The following DCUN1D2 variants were observed in gnomAD, a reference collection of about 807,000 sequenced individuals.
The protein encoded by DCUN1D2 is DCN1-like protein 2.
A neutral mutation model predicts 30.9 loss-of-function variants in DCUN1D2; 29 were observed. The observed-to-expected ratio is 0.94, with a 90% CI of 0.70 to 1.28. The LOEUF is 1.28. Among genes scored for constraint, DCUN1D2 ranks in the 50% most tolerant of loss-of-function variants. The pLI is 0.00. For synonymous variants in DCUN1D2, 121 were observed against 115.3 expected (o/e 1.05, Z -0.32); for missense variants, 325 against 316.9 (o/e 1.03, Z -0.19).
intron 4 of DCUN1D2, among the ~76,000 whole-genome samples, chr13:113,466,643 C>T (rs544960143): frequency 6.6e-6 from 1 of 152,222 alleles, no homozygotes; most frequent in African/African-American, 2.4e-5. Flanking sequence ...AGAGCTCAGT[C>T]TCCATGGCTG....
intron 1 of DCUN1D2, among the ~76,000 whole-genome samples, chr13:113,486,705 C>A (rs1191795867): frequency 6.6e-6 from 1 of 152,202 alleles, no homozygotes; most frequent in Non-Finnish European, 1.5e-5. Flanking sequence ...CACGTGCAGG[C>A]AGCTTTGCAT....
rs1211544156 is a variant in DCUN1D2 at position 113,483,983 on chromosome 13, G to A, written c.77C>T (p.Ala26Val). 1.2e-6 allele frequency: 2 copies of A among 1,614,214 alleles called. No homozygotes were observed. The highest frequency in any genetic ancestry group is 2.2e-5 in the South Asian group (2 of 91,090). The change falls in exon 2 of 7, where the codon GCT becomes GTT. Residue 26 changes from alanine (A) to valine (V), a missense_variant. Ala to Val is a moderately conservative substitution (Grantham distance 64, BLOSUM62 0). Transcript: ENST00000478244. ...CTCATTCTGCGTTAAGCAGTAGATA[G>A]CAGTTCTCTCGCCAGCCTGAGTGCA... ...MACTQAGERT[A>V]IYCLTQNEWR...
chr13:113,460,746 G>A (rs2044305049), intron 5 of DCUN1D2, among the ~76,000 whole-genome samples: 1 of 152,252 alleles, frequency 6.6e-6, no homozygotes, highest in South Asian at 2.1e-4. Flanking sequence ...TAGGTCCTCA[G>A]AGGAGACAAC....
In DCUN1D2 at chr13:113,457,369, G is replaced by C. The variant is rs1398275824; in HGVS notation, c.*660C>G. On this transcript the variant is annotated 3_prime_UTR_variant, in exon 7 of 7. Coordinates refer to ENST00000478244, the MANE Select transcript of DCUN1D2 (RefSeq NM_001014283.2). ...GTGTGAGATAAACTCTGCTGGAATC[G>C]TGCCACGTGTGCCGTTGCTATGCAA... is the stretch of plus-strand genomic sequence containing the variant. 6.6e-6 allele frequency: 1 copy of C among 152,188 alleles called. No homozygotes were observed. Among genetic ancestry groups the C allele is most frequent in the Admixed American group, 6.5e-5 (1 of 15,278 alleles). 9.4% of individuals were successfully genotyped at this position (152,188 alleles called of 1,614,324 possible). A position where few individuals can be genotyped will look rare whatever the true frequency, so the allele number is the denominator to read the frequency against.
At chr13:113,481,126 C>T (rs953295037) in intron 2 of DCUN1D2, among the ~76,000 whole-genome samples, 1 of 152,104 alleles carries the variant, frequency 6.6e-6, no homozygotes, top group Non-Finnish European at 1.5e-5. Context: ...AAAGTATTTA[C>T]AATATCTTGA....
In DCUN1D2 at chr13:113,458,220, G is replaced by T. The variant is rs2044257732; in HGVS notation, c.701-112C>A. On this transcript the variant is annotated intron_variant, in intron 6 of 6. Transcript: ENST00000478244. ...ACTTCAAGAACCCAAATGACTTGAG[G>T]TCCACACCATTTGTGTTTCACAGAA... 5.6e-6 allele frequency: 5 copies of T among 897,046 alleles called. No homozygotes were observed. The East Asian group carries it at 9.7e-5, about 17-fold the overall frequency. The allele number at this position is 897,046 out of a possible 1,614,324, so 55.6% of individuals were successfully genotyped here.
At chr13:113,472,582 C>T (rs1023164103) in intron 4 of DCUN1D2, among the ~76,000 whole-genome samples, 3 of 152,188 alleles carry the variant, frequency 2.0e-5, no homozygotes, top group Non-Finnish European at 4.4e-5. Flanking sequence ...AACGCACTCG[C>T]CCCCGAGGTC....
intron 3 of DCUN1D2, among the ~76,000 whole-genome samples, chr13:113,475,221 A>G (rs1175811048): frequency 6.6e-6 from 1 of 152,240 alleles, no homozygotes; most frequent in Non-Finnish European, 1.5e-5. Flanking sequence ...CGTATGTCAC[A>G]GTGGTCCCAT....
At chr13:113,465,537 G>T in intron 4 of DCUN1D2, among the ~76,000 whole-genome samples, 1 of 148,472 alleles carries the variant, frequency 6.7e-6, no homozygotes, top group Admixed American at 6.7e-5. Context: ...ATGAGATGAA[G>T]AACAGCCACA....
intron 4 of DCUN1D2, among the ~76,000 whole-genome samples, chr13:113,469,173 C>CACAG (rs902818526): frequency 6.6e-6 from 1 of 150,890 alleles, no homozygotes; most frequent in Admixed American, 6.6e-5. Flanking sequence ...CACACACACA[C>CACAG]AGCCAAGAGG....
chr13:113,457,833 C>T lies in DCUN1D2; in HGVS notation c.*196G>A. On this transcript the variant is annotated 3_prime_UTR_variant, in exon 7 of 7. Coordinates refer to ENST00000478244, the MANE Select transcript of DCUN1D2 (RefSeq NM_001014283.2). ...CAAATCTCCAAACATCCCAAAGCAG[C>T]CGTGTCCCGAGGAACTTCCTGCGGT... The T allele has an allele frequency of 1.7e-6, 1 of 601,912 alleles. No homozygotes were observed. The highest frequency in any genetic ancestry group is 3.0e-6 in the Non-Finnish European group (1 of 333,526). 37.3% of individuals were successfully genotyped at this position (601,912 alleles called of 1,614,324 possible). A position where few individuals can be genotyped will look rare whatever the true frequency, so the allele number is the denominator to read the frequency against.
In DCUN1D2 at chr13:113,490,539, A is replaced by T; in HGVS notation, c.3+128T>A. On this transcript the variant is annotated intron_variant, in intron 1 of 6. Coordinates refer to ENST00000478244, the MANE Select transcript of DCUN1D2 (RefSeq NM_001014283.2). The surrounding 1 kb of genome is among the most constrained non-coding windows in gnomAD (Gnocchi z 5.2). Reference sequence around the variant, plus strand: ...GGCCCGCGGCGCGTTCCTCCCTCGGATCCACGCGGAACGCCCCGCGCAGCT... The same window carrying T: ...GGCCCGCGGCGCGTTCCTCCCTCGGTTCCACGCGGAACGCCCCGCGCAGCT... 1.0e-6 allele frequency: 1 copy of T among 981,394 alleles called. No homozygotes were observed. The highest frequency in any genetic ancestry group is 1.3e-6 in the Non-Finnish European group (1 of 758,840). 60.8% of individuals were successfully genotyped at this position (981,394 alleles called of 1,614,324 possible). A position where few individuals can be genotyped will look rare whatever the true frequency, so the allele number is the denominator to read the frequency against.
intron 1 of DCUN1D2, chr13:113,489,101 G>A (rs997824360): frequency 1.0e-5 from 10 of 985,134 alleles, no homozygotes; most frequent in East Asian, 1.1e-4. Context: ...CGGGGCTGGC[G>A]GGCCAATCAT....
At chr13:113,489,256 G>T in intron 1 of DCUN1D2, 1 of 589,430 alleles carries the variant, frequency 1.7e-6, no homozygotes, top group Non-Finnish European at 2.1e-6. Context: ...CCAGCATCCT[G>T]AACATGTTCA....
In DCUN1D2 at chr13:113,455,906, A is replaced by C; in HGVS notation, c.*2123T>G. On this transcript the variant is annotated 3_prime_UTR_variant, in exon 7 of 7. Transcript: ENST00000478244. The stretch of plus-strand genomic sequence containing the variant: ...GATACAACAGAAGAAAAAAACCCAC[A>C]ATTTTTGGAAAAGCCTTTGTCCAAT... 3.9e-6 allele frequency: 1 copy of C among 258,876 alleles called. No individual in the cohort carries two copies. The highest frequency in any genetic ancestry group is 7.2e-6 in the Non-Finnish European group (1 of 139,268). The allele number at this position is 258,876 out of a possible 1,614,324, so 16.0% of individuals were successfully genotyped here. A position where few individuals can be genotyped will look rare whatever the true frequency, so the allele number is the denominator to read the frequency against.
Position 113,458,212 on chromosome 13 carries a change from G to T in DCUN1D2, c.701-104C>A, listed in dbSNP as rs41286642. 1,893 of 953,396 alleles carry T rather than the reference G, an allele frequency of 2.0e-3. 5 individuals carry two copies. The highest frequency in any genetic ancestry group is 2.4e-3 in the Non-Finnish European group (1,426 of 590,434). 59.1% of individuals were successfully genotyped at this position (953,396 alleles called of 1,614,324 possible). A position where few individuals can be genotyped will look rare whatever the true frequency, so the allele number is the denominator to read the frequency against. On this transcript the variant is annotated intron_variant, in intron 6 of 6. Transcript: ENST00000478244. ...ACATTTACACTTCAAGAACCCAAAT[G>T]ACTTGAGGTCCACACCATTTGTGTT... is the stretch of plus-strand genomic sequence containing the variant.
chr13:113,482,637 C>A (rs1018163740), intron 2 of DCUN1D2, among the ~76,000 whole-genome samples: 1 of 151,992 alleles, frequency 6.6e-6, no homozygotes, highest in African/African-American at 2.4e-5. Flanking sequence ...AAGTAAAAAA[C>A]GAAAGTAATA....
chr13:113,481,301 C>T (rs1036104024), intron 2 of DCUN1D2, among the ~76,000 whole-genome samples: 2 of 152,078 alleles, frequency 1.3e-5, no homozygotes, highest in African/African-American at 2.4e-5. Context: ...CCCCCTATTT[C>T]TAGTTTAGAA....
chr13:113,457,956 A>ACC lies in DCUN1D2; in HGVS notation c.*71_*72dup. ...TGACTTCTGGAATCAGCGACAATGC[A>ACC]CCCAGGAACTGACTGCAATCTCCTT... On this transcript the variant is annotated 3_prime_UTR_variant, in exon 7 of 7. Transcript: ENST00000478244. 2 of 1,367,156 alleles carry ACC rather than the reference A, an allele frequency of 1.5e-6. No homozygotes were observed. Among genetic ancestry groups the ACC allele is most frequent in the Non-Finnish European group, 2.1e-6 (2 of 958,806 alleles). The allele number at this position is 1,367,156 out of a possible 1,614,324, so 84.7% of individuals were successfully genotyped here. A position where few individuals can be genotyped will look rare whatever the true frequency, so the allele number is the denominator to read the frequency against.
Sources: allele counts gnomAD v4.1 joint callset (sites outside exome capture counted in the v4.1 genomes callset), GRCh38; gene constraint gnomAD v4.1.1; non-coding constraint Gnocchi (gnomAD v3.1); transcripts MANE v1.5; gene names NCBI Gene and HGNC (gene_info 2026-07-23, HGNC 2026-07-21).